LRRC7: variants seen among roughly 807,000 people sequenced by gnomAD.
LRRC7 encodes the protein leucine rich repeat containing 7.
Under a neutral mutation model 175.7 loss-of-function variants are expected in LRRC7, and 23 were observed. The ratio of observed to expected loss-of-function variants is 0.13; its 90% CI spans 0.09 to 0.19. The LOEUF (loss-of-function observed/expected upper bound fraction) is 0.19, where lower values mean the gene tolerates loss of function less well. Ranked by LOEUF, LRRC7 falls within the 10% of genes least tolerant of loss-of-function variation. The pLI is 1.00. For missense variants in LRRC7, 1,354 were observed against 1,904.7 expected (o/e 0.71, Z 5.38); for synonymous variants, 685 against 680.9 (o/e 1.01, Z -0.09).
intron 4 of LRRC7, among the ~76,000 whole-genome samples, chr1:69,822,818 G>A (rs904865624): frequency 6.6e-5 from 10 of 152,242 alleles, no homozygotes; most frequent in East Asian, 3.9e-4. Context: ...GAATTTGTCC[G>A]CTGGACTCCC....
chr1:70,054,669 T>C (rs1311496871), intron 23 of LRRC7, among the ~76,000 whole-genome samples: 1 of 112,258 alleles, frequency 8.9e-6, no homozygotes, highest in Non-Finnish European at 1.7e-5. Context: ...TCTGCTCACT[T>C]GCTCACTGCA....
At chr1:69,619,919 A>G (rs1482832234) in intron 1 of LRRC7, among the ~76,000 whole-genome samples, 1 of 151,758 alleles carries the variant, frequency 6.6e-6, no homozygotes, top group Non-Finnish European at 1.5e-5. Flanking sequence ...AAAATGAAAG[A>G]TAGAGTCATG....
rs1666689160 is a variant in LRRC7, at chr1:70,132,127, C to G, written c.*10240C>G. Reference sequence around the variant, plus strand: ...CAGATTCAGGCATATCCTCCAGTCTCTTCGTTCTGGTGACCATGCCCCTTC... The same window carrying G: ...CAGATTCAGGCATATCCTCCAGTCTGTTCGTTCTGGTGACCATGCCCCTTC... On this transcript the variant is annotated 3_prime_UTR_variant, in exon 27 of 27. Transcript: ENST00000651989. The G allele has an allele frequency of 6.6e-6, 1 of 152,228 alleles. No homozygotes were observed. Among genetic ancestry groups the G allele is most frequent in the South Asian group, 2.1e-4 (1 of 4,834 alleles). The allele number at this position is 152,228 out of a possible 1,614,324, so 9.4% of individuals were successfully genotyped here.
intron 7 of LRRC7, among the ~76,000 whole-genome samples, chr1:69,927,542 C>T (rs931206651): frequency 5.3e-5 from 8 of 152,178 alleles, no homozygotes; most frequent in African/African-American, 1.4e-4. Context: ...TCCCTTCTCA[C>T]TTCATTTCAT....
Position 70,076,133 on chromosome 1 carries a change from G to A in LRRC7, c.4287G>A (p.Arg1429=), listed in dbSNP as rs1159572599. 2 of 1,614,050 alleles carry A rather than the reference G, an allele frequency of 1.2e-6. No individual in the cohort carries two copies. The highest frequency in any genetic ancestry group is 1.1e-5 in the South Asian group (1 of 91,072). The change falls in exon 24 of 27, where the codon CGG becomes CGA. Residue 1429 remains arginine, a synonymous_variant. Coordinates refer to ENST00000651989, the MANE Select transcript of LRRC7 (RefSeq NM_001370785.2). ...MGSQSLQHRS[R]EQQPYEGNIN... ...CCCAAAGCCTTCAGCATCGCAGCCG[G>A]GAGCAGCAGCCGTATGAAGGAAATA...
At chr1:70,047,972 TATTC>T (rs1250218444) in intron 22 of LRRC7, among the ~76,000 whole-genome samples, 1 of 152,050 alleles carries the variant, frequency 6.6e-6, no homozygotes, top group African/African-American at 2.4e-5. Context: ...ATTGATTTTT[TATTC>T]ATTCATTCAG....
chr1:69,894,170 C>G (rs1362620456), intron 7 of LRRC7, among the ~76,000 whole-genome samples: 1 of 152,106 alleles, frequency 6.6e-6, no homozygotes, highest in African/African-American at 2.4e-5. Flanking sequence ...TTATTGAGCT[C>G]TAAATTCTTT....
chr1:69,973,461 A>G (rs1325634848), intron 8 of LRRC7, among the ~76,000 whole-genome samples: 1 of 152,230 alleles, frequency 6.6e-6, no homozygotes, highest in African/African-American at 2.4e-5. Flanking sequence ...AAAAAATTAA[A>G]TAAAAACAAA....
intron 1 of LRRC7, among the ~76,000 whole-genome samples, chr1:69,611,796 C>T (rs1648782992): frequency 6.6e-6 from 1 of 152,028 alleles, no homozygotes; most frequent in African/African-American, 2.4e-5. Flanking sequence ...AACAATGTGG[C>T]ACTAAAGATC....
intron 8 of LRRC7, among the ~76,000 whole-genome samples, chr1:69,943,717 T>C (rs1648979935): frequency 6.6e-6 from 1 of 152,082 alleles, no homozygotes. Context: ...AAGGAATTCA[T>C]GCAAATAGGG....
chr1:69,951,427 C>T (rs1346332556), intron 8 of LRRC7, among the ~76,000 whole-genome samples: 1 of 151,974 alleles, frequency 6.6e-6, no homozygotes, highest in Non-Finnish European at 1.5e-5. Flanking sequence ...ATCCAGCAAT[C>T]CCACTACTGC....
At chr1:69,964,658 A>C (rs1181127965) in intron 8 of LRRC7, among the ~76,000 whole-genome samples, 2 of 152,218 alleles carry the variant, frequency 1.3e-5, no homozygotes, top group African/African-American at 4.8e-5. Context: ...CATTTTAGAC[A>C]GATCTAATTG....
intron 2 of LRRC7, among the ~76,000 whole-genome samples, chr1:69,683,841 T>G (rs1660793781): frequency 6.6e-6 from 1 of 151,792 alleles, no homozygotes; most frequent in Admixed American, 6.6e-5. Context: ...CTGGAGTCAA[T>G]AGAATAATTT....
intron 26 of LRRC7, among the ~76,000 whole-genome samples, chr1:70,120,893 G>A (rs148200654): frequency 3.3e-5 from 5 of 152,066 alleles, no homozygotes; most frequent in Non-Finnish European, 7.4e-5. Flanking sequence ...TTGCCTTTAC[G>A]GCAGTGAAGG....
At chr1:69,948,880 T>A (rs2101816919) in intron 8 of LRRC7, among the ~76,000 whole-genome samples, 2 of 152,268 alleles carry the variant, frequency 1.3e-5, no homozygotes, top group East Asian at 3.9e-4. Context: ...TGAAGTTAGG[T>A]AGAACACTGC....
At chr1:69,837,376 A>G (rs1321205849) in intron 6 of LRRC7, among the ~76,000 whole-genome samples, 5 of 151,964 alleles carry the variant, frequency 3.3e-5, no homozygotes, top group Admixed American at 6.6e-5. Context: ...ACCAGAAATT[A>G]TGCTTTACAT....
intron 7 of LRRC7, among the ~76,000 whole-genome samples, chr1:69,857,121 A>G (rs1488973809): frequency 1.3e-5 from 2 of 152,212 alleles, no homozygotes; most frequent in African/African-American, 4.8e-5. Flanking sequence ...TCTCAAAATA[A>G]TAAGAGCTAT....
At chr1:70,032,610 T>C (rs1411011557) in intron 18 of LRRC7, among the ~76,000 whole-genome samples, 1 of 152,154 alleles carries the variant, frequency 6.6e-6, no homozygotes, top group Non-Finnish European at 1.5e-5. Context: ...ATTTTTCCCT[T>C]TGTTAGGGGA....
At chr1:69,578,815 A>C (rs1646071109) in intron 1 of LRRC7, among the ~76,000 whole-genome samples, 1 of 126,022 alleles carries the variant, frequency 7.9e-6, no homozygotes, top group Non-Finnish European at 1.7e-5. Flanking sequence ...GGGGGGAGGG[A>C]TAGCATTAGG....
Sources: gnomAD v4.1 joint callset for allele counts (sites outside exome capture counted in the v4.1 genomes callset) on GRCh38, gnomAD v4.1.1 for gene constraint, MANE v1.5 for transcripts, NCBI Gene and HGNC (gene_info 2026-07-23, HGNC 2026-07-21) for gene names.